The following BRD10 variants were observed in gnomAD, a reference collection of about 807,000 sequenced individuals.
The protein encoded by BRD10 is bromodomain containing 10.
At chr9:5,939,556 G>C in the BRD10 span, among the ~76,000 whole-genome samples, 4 of 152,194 alleles carry the variant, frequency 2.6e-5, no homozygotes, top group East Asian at 7.7e-4. Flanking sequence ...GTCTTAATTA[G>C]AAGTATATTA....
chr9:5,892,368 G>A, the BRD10 span: 2 of 932,838 alleles, frequency 2.1e-6, no homozygotes, highest in Middle Eastern at 2.3e-4. Context: ...CACCTAGTGA[G>A]GATGCTGTTG....
At chr9:5,938,819 A>G in the BRD10 span, among the ~76,000 whole-genome samples, 1 of 152,232 alleles carries the variant, frequency 6.6e-6, no homozygotes, top group African/African-American at 2.4e-5. Context: ...AGAATAAAAA[A>G]TATATCGTAC....
At chr9:5,943,970 T>C in the BRD10 span, among the ~76,000 whole-genome samples, 1 of 152,184 alleles carries the variant, frequency 6.6e-6, no homozygotes, top group African/African-American at 2.4e-5. Flanking sequence ...GCTACCAACA[T>C]GTCTTTCCTA....
chr9:5,920,397 A>G, the BRD10 span: 1 of 1,613,972 alleles, frequency 6.2e-7, no homozygotes, highest in Non-Finnish European at 8.5e-7. Flanking sequence ...GGTTCACTGA[A>G]CTGACTCCCG....
the BRD10 span, among the ~76,000 whole-genome samples, chr9:6,001,492 C>G: frequency 6.6e-6 from 1 of 152,206 alleles, no homozygotes; most frequent in Non-Finnish European, 1.5e-5. Flanking sequence ...CTAGACTACT[C>G]TGTACTCTCC....
chr9:5,907,756 C>G, the BRD10 span, among the ~76,000 whole-genome samples: 2 of 152,184 alleles, frequency 1.3e-5, no homozygotes, highest in African/African-American at 4.8e-5. Context: ...AGCTCGAGAC[C>G]AGCCTGGCAA....
the BRD10 span, among the ~76,000 whole-genome samples, chr9:5,914,410 GTTTTTTTTTTT>G: frequency 1.3e-5 from 1 of 75,488 alleles, no homozygotes; most frequent in East Asian, 4.8e-4. Flanking sequence ...AATCCAGATG[GTTTTTTTTTTT>G]TTTTTTTTTT....
At chr9:5,953,626 C>A in the BRD10 span, among the ~76,000 whole-genome samples, 1 of 151,840 alleles carries the variant, frequency 6.6e-6, no homozygotes, top group East Asian at 1.9e-4. Flanking sequence ...CTATTACCAT[C>A]TCCAAATTAT....
the BRD10 span, among the ~76,000 whole-genome samples, chr9:5,973,589 C>T: frequency 6.6e-6 from 1 of 152,122 alleles, no homozygotes; most frequent in Non-Finnish European, 1.5e-5. Context: ...CAATATCTAA[C>T]ATACAACAAA....
At chr9:5,890,114 G>C in the BRD10 span, among the ~76,000 whole-genome samples, 18 of 152,174 alleles carry the variant, frequency 1.2e-4, no homozygotes, top group Non-Finnish European at 1.9e-4. Flanking sequence ...GGAGATGAGG[G>C]AGGGAATAGG....
chr9:5,951,047 C>CGT, the BRD10 span, among the ~76,000 whole-genome samples: 1 of 138,050 alleles, frequency 7.2e-6, no homozygotes, highest in African/African-American at 3.2e-5. Flanking sequence ...CACACACACA[C>CGT]ACACACACAC....
the BRD10 span, among the ~76,000 whole-genome samples, chr9:5,975,808 A>C: frequency 1.3e-5 from 2 of 152,218 alleles, no homozygotes; most frequent in South Asian, 4.1e-4. Context: ...TCATGGGTAA[A>C]TATGAATAAA....
the BRD10 span, chr9:6,007,740 T>C: frequency 1.3e-6 from 2 of 1,597,152 alleles, no homozygotes; most frequent in South Asian, 1.1e-5. Context: ...GCGGCCGCTC[T>C]TCCTCCCCAG....
the BRD10 span, among the ~76,000 whole-genome samples, chr9:5,965,725 T>C: frequency 9.2e-5 from 14 of 152,288 alleles, no homozygotes; most frequent in African/African-American, 3.4e-4. Context: ...TAAAGGACAA[T>C]GTGAATCTTT....
chr9:5,944,897 C>A, the BRD10 span: 1 of 1,542,484 alleles, frequency 6.5e-7, no homozygotes, highest in African/African-American at 1.4e-5. Context: ...TTTTCCAGAT[C>A]TTTGAGTTCA....
the BRD10 span, among the ~76,000 whole-genome samples, chr9:5,903,863 CTT>C: frequency 6.8e-6 from 1 of 147,024 alleles, no homozygotes; most frequent in Non-Finnish European, 1.5e-5. Context: ...TATGCACTTA[CTT>C]TTTTTTTTTT....
the BRD10 span, among the ~76,000 whole-genome samples, chr9:5,974,295 AGAT>A: frequency 2.0e-5 from 3 of 152,192 alleles, no homozygotes; most frequent in African/African-American, 7.2e-5. Flanking sequence ...TATCATTCAT[AGAT>A]GAGAGTAAGT....
chr9:5,959,220 G>C, the BRD10 span, among the ~76,000 whole-genome samples: 13 of 152,176 alleles, frequency 8.5e-5, no homozygotes, highest in Non-Finnish European at 1.6e-4. Context: ...ATTTAGAATT[G>C]TCTCGTTATA....
At chr9:6,002,195 G>A in the BRD10 span, among the ~76,000 whole-genome samples, 2 of 152,154 alleles carry the variant, frequency 1.3e-5, no homozygotes, top group African/African-American at 4.8e-5. Context: ...GGTGGGGACT[G>A]CCCCCCAAAC....
Sources: allele counts gnomAD v4.1 joint callset (sites outside exome capture counted in the v4.1 genomes callset), GRCh38; gene constraint gnomAD v4.1.1; transcripts MANE v1.5; gene names NCBI Gene and HGNC (gene_info 2026-07-23, HGNC 2026-07-21).